MAP3K13: variants seen among roughly 807,000 people sequenced by gnomAD.
The protein encoded by MAP3K13 is leucine zipper-bearing kinase.
MAP3K13 carries 52 observed loss-of-function variants against 104.0 expected under a neutral mutation model. The observed-to-expected ratio is 0.50, with a 90% CI of 0.40 to 0.63. MAP3K13 has a LOEUF of 0.63. Among genes scored for constraint, MAP3K13 ranks in the 20% least tolerant of loss-of-function variants. The probability of loss-of-function intolerance (pLI) is 0.00; values close to 1 mark genes in which losing one functional copy is unlikely to be tolerated. For synonymous variants in MAP3K13, 394 were observed against 442.2 expected, an observed-to-expected ratio of 0.89 and a Z score of 1.37; for missense variants, 914 against 1,218.5, an observed-to-expected ratio of 0.75 and a Z score of 3.72.
At chr3:185,441,867 C>A (rs1427266292) in intron 3 of MAP3K13, among the ~76,000 whole-genome samples, 2 of 151,994 alleles carry the variant, frequency 1.3e-5, no homozygotes, top group Non-Finnish European at 2.9e-5. Flanking sequence ...TATGGTGAAA[C>A]CCTGTCTCTA....
chr3:185,482,443 C>G lies in MAP3K13; in HGVS notation c.2888C>G (p.Ser963Cys). The G allele has an allele frequency of 6.2e-7, 1 of 1,612,694 alleles. No individual in the cohort carries two copies. Among genetic ancestry groups the G allele is most frequent in the Non-Finnish European group, 8.5e-7 (1 of 1,178,734 alleles). ...ATVRTNKHYSSATW is the reference protein window; with the variant it reads ...ATVRTNKHYSCATW ...GTTAGGACCAATAAACACTACAGCT[C>G]TGCTACCTGGTAATGAAGGAATACA... is the stretch of plus-strand genomic sequence containing the variant. The change falls in exon 14 of 14, where the codon TCT (serine) becomes TGT (cysteine). Residue 963 changes from serine (S) to cysteine (C), a missense_variant. Around this residue, in one of 3 missense-constraint regions of MAP3K13, gnomAD observed 583 missense variants for 737.4 expected, o/e 0.79. Coordinates refer to ENST00000265026, the MANE Select transcript of MAP3K13 (RefSeq NM_004721.5). This position sits in a 1 kb window ranked among gnomAD's most constrained non-coding sequence, Gnocchi z 4.5.
chr3:185,325,846 T>C (rs528330671), intron 2 of MAP3K13, among the ~76,000 whole-genome samples: 15 of 152,332 alleles, frequency 9.8e-5, no homozygotes, highest in African/African-American at 3.6e-4. Flanking sequence ...CCTTGATCTC[T>C]GCTTTGGCCA....
At chr3:185,380,164 C>T (rs150090646) in intron 1 of MAP3K13, among the ~76,000 whole-genome samples, 282 of 149,206 alleles carry the variant, frequency 1.9e-3, no homozygotes, top group African/African-American at 6.5e-3. Flanking sequence ...ACAGCCTAGG[C>T]GACAAAGTGA....
intron 1 of MAP3K13, among the ~76,000 whole-genome samples, chr3:185,368,362 T>C (rs1723990561): frequency 6.6e-6 from 1 of 152,168 alleles, no homozygotes; most frequent in Non-Finnish European, 1.5e-5. Flanking sequence ...TTGTGAACAT[T>C]AAGTATTGCC....
chr3:185,443,380 C>A lies in MAP3K13; in HGVS notation c.660-65C>A, dbSNP rs374237213. On this transcript the variant is annotated intron_variant, in intron 3 of 13. Coordinates refer to ENST00000265026, the MANE Select transcript of MAP3K13 (RefSeq NM_004721.5). ...ATAGAATTGGTTTTTATTAAATATT[C>A]TTTAAATATACATATGTATACTTGT... The A allele has an allele frequency of 5.3e-5, 57 of 1,083,724 alleles. No homozygotes were observed. The East Asian group carries it at 8.6e-4, about 16-fold the overall frequency. 67.1% of individuals were successfully genotyped at this position (1,083,724 alleles called of 1,614,324 possible).
At chr3:185,406,786 A>G (rs1361384446) in intron 1 of MAP3K13, among the ~76,000 whole-genome samples, 1 of 152,180 alleles carries the variant, frequency 6.6e-6, no homozygotes, top group Non-Finnish European at 1.5e-5. Context: ...CATATTTTAA[A>G]TTTTGGTGCT....
chr3:185,359,993 T>C (rs1421470625), upstream of MAP3K13, among the ~76,000 whole-genome samples: 1 of 152,054 alleles, frequency 6.6e-6, no homozygotes, highest in South Asian at 2.1e-4. Flanking sequence ...GCAGAATTAT[T>C]GTACCTTAAT....
At chr3:185,381,048 C>T (rs770696366) in intron 1 of MAP3K13, among the ~76,000 whole-genome samples, 5 of 151,864 alleles carry the variant, frequency 3.3e-5, no homozygotes, top group Non-Finnish European at 7.4e-5. Context: ...CTGCAACCTC[C>T]GCCTCCCAGA....
At chr3:185,370,280 C>T (rs867810985) in intron 1 of MAP3K13, among the ~76,000 whole-genome samples, 1 of 152,118 alleles carries the variant, frequency 6.6e-6, no homozygotes, top group African/African-American at 2.4e-5. Context: ...CTGCAACCTC[C>T]GTCTCCTGGG....
chr3:185,455,915 A>T (rs1385523985), intron 7 of MAP3K13, among the ~76,000 whole-genome samples: 1 of 140,078 alleles, frequency 7.1e-6, no homozygotes, highest in African/African-American at 2.6e-5. Context: ...GATATAGATG[A>T]GATATATATG....
At chr3:185,439,307 G>T (rs1327415448) in intron 3 of MAP3K13, among the ~76,000 whole-genome samples, 2 of 152,120 alleles carry the variant, frequency 1.3e-5, no homozygotes, top group African/African-American at 4.8e-5. Flanking sequence ...TCTATCCTTG[G>T]TTGACCTAGT....
At chr3:185,312,256 C>G (rs1721519626) in intron 2 of MAP3K13, among the ~76,000 whole-genome samples, 1 of 152,202 alleles carries the variant, frequency 6.6e-6, no homozygotes, top group African/African-American at 2.4e-5. Flanking sequence ...GTCACATGAC[C>G]CTCCAGAATT....
At chr3:185,355,379 A>G (rs1448628664) in intron 2 of MAP3K13, among the ~76,000 whole-genome samples, 1 of 152,080 alleles carries the variant, frequency 6.6e-6, no homozygotes, top group South Asian at 2.1e-4. Flanking sequence ...AGGCAGGAGA[A>G]TCACTTGAAC....
chr3:185,453,826 GATAT>G (rs61131175), intron 7 of MAP3K13, among the ~76,000 whole-genome samples: 1,242 of 11,120 alleles, frequency 0.11, 180 homozygotes, highest in South Asian at 0.21. Context: ...ATATATATGA[GATAT>G]ATATATATGA....
intron 13 of MAP3K13, chr3:185,481,390 T>TGAG (rs1463427270): frequency 2.6e-5 from 4 of 152,070 alleles, no homozygotes; most frequent in Non-Finnish European, 5.9e-5. Flanking sequence ...TCGGGAGGCT[T>TGAG]GAGGTGGAAG....
chr3:185,313,735 G>GA (rs5855056), intron 2 of MAP3K13, among the ~76,000 whole-genome samples: 102,207 of 146,636 alleles, frequency 0.7, 36,070 homozygotes, highest in Non-Finnish European at 0.78. Context: ...AAGTAGTGGT[G>GA]AAAAAAAAAA....
intron 1 of MAP3K13, among the ~76,000 whole-genome samples, chr3:185,386,240 A>C (rs1225863544): frequency 6.6e-6 from 1 of 151,754 alleles, no homozygotes; most frequent in Non-Finnish European, 1.5e-5. Flanking sequence ...ATTCCCATTA[A>C]AAAGTGGGCA....
At chr3:185,464,472 C>G (rs911947940) in intron 8 of MAP3K13, among the ~76,000 whole-genome samples, 11 of 152,082 alleles carry the variant, frequency 7.2e-5, no homozygotes, top group African/African-American at 2.7e-4. Flanking sequence ...TGGGTGAGTT[C>G]TCAGGAGATC....
At chr3:185,469,846 C>G (rs1344213384) in intron 10 of MAP3K13, among the ~76,000 whole-genome samples, 17 of 152,314 alleles carry the variant, frequency 1.1e-4, no homozygotes, top group African/African-American at 3.8e-4. Flanking sequence ...CTTCAATAAA[C>G]CAGATTGAAA....
Sources: gnomAD v4.1 joint callset for allele counts (sites outside exome capture counted in the v4.1 genomes callset) on GRCh38, gnomAD v4.1.1 for gene constraint, gnomAD v4.1.1 regional missense constraint, Gnocchi (gnomAD v3.1) non-coding constraint, MANE v1.5 for transcripts, NCBI Gene and HGNC (gene_info 2026-07-23, HGNC 2026-07-21) for gene names.